CAPN14: variants seen among roughly 807,000 people sequenced by gnomAD.
CAPN14 encodes calpain-14.
A neutral mutation model predicts 101.3 loss-of-function variants in CAPN14; 94 were observed. The ratio of observed to expected loss-of-function variants is 0.93; its 90% confidence interval spans 0.79 to 1.10. CAPN14 has a LOEUF of 1.10. Among genes scored for constraint, CAPN14 ranks in the 50% least tolerant of loss-of-function variants. The pLI, the probability that CAPN14 is intolerant of heterozygous loss-of-function variation, is 0.00. For synonymous variants in CAPN14, 338 were observed against 317.9 expected (o/e 1.06, Z -0.67); for missense variants, 837 against 828.4 (o/e 1.01, Z -0.13).
At chr2:31,224,028 T>C (rs903963617) in intron 2 of CAPN14, among the ~76,000 whole-genome samples, 1 of 152,230 alleles carries the variant, frequency 6.6e-6, no homozygotes, top group Non-Finnish European at 1.5e-5. Context: ...CATCTCAGTA[T>C]TGATCCACGT....
At chr2:31,224,971 G>A (rs1682976605) in intron 2 of CAPN14, among the ~76,000 whole-genome samples, 1 of 151,976 alleles carries the variant, frequency 6.6e-6, no homozygotes, top group Non-Finnish European at 1.5e-5. Context: ...ATGAGATTCT[G>A]ATTAAGAGAT....
intron 1 of CAPN14, among the ~76,000 whole-genome samples, chr2:31,228,615 G>C (rs1259388381): frequency 6.6e-6 from 1 of 152,140 alleles, no homozygotes; most frequent in Non-Finnish European, 1.5e-5. Flanking sequence ...TAAATACTAA[G>C]CTTATTCAAT....
upstream of CAPN14, chr2:31,217,566 G>T (rs1246929541): frequency 1.3e-5 from 2 of 152,254 alleles, no homozygotes; most frequent in Non-Finnish European, 2.9e-5. Flanking sequence ...TCTACACATG[G>T]TGTTTAGCCA....
At chr2:31,190,006 G>A (rs1681096742) in intron 12 of CAPN14, among the ~76,000 whole-genome samples, 1 of 152,180 alleles carries the variant, frequency 6.6e-6, no homozygotes, top group African/African-American at 2.4e-5. Flanking sequence ...ACACAGATAA[G>A]CTGGACATTC....
intron 9 of CAPN14, among the ~76,000 whole-genome samples, chr2:31,193,961 A>G (rs1448880899): frequency 6.6e-6 from 1 of 152,058 alleles, no homozygotes; most frequent in Non-Finnish European, 1.5e-5. Context: ...TCAGCTCAGG[A>G]TGTCTTGGTG....
chr2:31,177,034 T>G lies in CAPN14; in HGVS notation c.1964A>C (p.Asn655Thr), dbSNP rs1278020274. 1 of 1,550,872 alleles carries G rather than the reference T, an allele frequency of 6.4e-7. No individual in the cohort carries two copies. Among genetic ancestry groups the G allele is most frequent in the South Asian group, 1.2e-5 (1 of 83,954 alleles). Reference protein sequence around the residue: ...SFIHLMLRVENMEDVFQNLTQ... With the variant: ...SFIHLMLRVETMEDVFQNLTQ... The stretch of plus-strand genomic sequence containing the variant: ...GCTTCCCGCCAGCTTACCCTCCATG[T>G]TCTCTACACGCAGCATCAAGTGGAT... Residue 655 changes from asparagine (N) to threonine (T), a missense_variant, in exon 20 of 22, where the codon AAC becomes ACC. Coordinates refer to ENST00000403897, the MANE Select transcript of CAPN14 (RefSeq NM_001145122.2).
At chr2:31,231,726 G>T (rs930955752) in intron 1 of CAPN14, among the ~76,000 whole-genome samples, 1 of 152,160 alleles carries the variant, frequency 6.6e-6, no homozygotes, top group Non-Finnish European at 1.5e-5. Context: ...GGGGCCCCTT[G>T]ATTTCTTTCC....
At position 31,230,990 on chromosome 2, in the gene CAPN14, T is replaced by C. The variant is rs1683174308; in HGVS notation, c.-177+2801A>G. On this transcript the variant is annotated intron_variant and NMD_transcript_variant, in intron 1 of 21. Transcript: ENST00000398824. The surrounding 1 kb of genome is among the most constrained non-coding windows in gnomAD (Gnocchi z 4.3). ...ATTTACTGTGTTGTTATTCTGTTGG[T>C]CTCTGTGCCAAAACCATATTAACCA... 6.6e-6 allele frequency among the ~76,000 whole-genome samples: 1 copy of C among 152,220 alleles called. No homozygotes were observed. The highest frequency in any genetic ancestry group is 2.1e-4 in the South Asian group (1 of 4,828).
intron 7 of CAPN14, among the ~76,000 whole-genome samples, chr2:31,197,877 C>A (rs752174283): frequency 5.9e-5 from 9 of 152,162 alleles, no homozygotes; most frequent in Admixed American, 3.3e-4. Context: ...TGGATTCTTC[C>A]CCAGAGCCTT....
intron 1 of CAPN14, among the ~76,000 whole-genome samples, chr2:31,228,158 A>G (rs1683082160): frequency 6.6e-6 from 1 of 152,212 alleles, no homozygotes; most frequent in South Asian, 2.1e-4. Context: ...AAGGGGCCAT[A>G]GATTCCTAAG....
chr2:31,219,383 G>C (rs540412390), upstream of CAPN14, among the ~76,000 whole-genome samples: 1 of 152,370 alleles, frequency 6.6e-6, no homozygotes, highest in Admixed American at 6.5e-5. Flanking sequence ...GGACAGACTA[G>C]TATGCCTGAG....
chr2:31,206,119 G>A lies in CAPN14; in HGVS notation c.-52-620C>T, dbSNP rs369303934. Among the ~76,000 whole-genome samples the A allele has an allele frequency of 4.0e-4, 60 of 148,880 alleles. 1 individual carries two copies. Among genetic ancestry groups the A allele is most frequent in the African/African-American group, 1.4e-3 (58 of 40,700 alleles). ...GCGATCTCGGCTCAATGCAACCCCT[G>A]GCTTCCAGGTTCAAGCAATTCTCCT... On this transcript the variant is annotated intron_variant, in intron 1 of 21. Coordinates refer to ENST00000403897, the MANE Select transcript of CAPN14 (RefSeq NM_001145122.2).
At chr2:31,211,331 T>C (rs1682392202) in intron 1 of CAPN14, among the ~76,000 whole-genome samples, 1 of 152,034 alleles carries the variant, frequency 6.6e-6, no homozygotes, top group African/African-American at 2.4e-5. Flanking sequence ...ATTTTACATG[T>C]AGAATATCTA....
chr2:31,197,411 G>A, intron 7 of CAPN14, 77 bp from the exon 8 acceptor site: 4 of 992,308 alleles, frequency 4.0e-6, no homozygotes, highest in Non-Finnish European at 6.2e-6. Context: ...ACTCGGGCCT[G>A]GAGCTGAGCA....
intron 7 of CAPN14, among the ~76,000 whole-genome samples, 168 bp from the exon 8 acceptor site, chr2:31,197,502 A>T (rs966590047): frequency 6.6e-6 from 1 of 152,178 alleles, no homozygotes; most frequent in Non-Finnish European, 1.5e-5. Flanking sequence ...AAGCTGTGAG[A>T]CCTAGGGCAA....
intron 1 of CAPN14, among the ~76,000 whole-genome samples, chr2:31,212,943 G>C (rs747897393): frequency 7.9e-5 from 12 of 152,208 alleles, no homozygotes; most frequent in Admixed American, 7.9e-4. Flanking sequence ...CAAAATTGTA[G>C]TAGAAACCTA....
intron 5 of CAPN14, among the ~76,000 whole-genome samples, chr2:31,201,144 T>TGGAC (rs1681747555): frequency 6.9e-6 from 1 of 145,902 alleles, no homozygotes; most frequent in Non-Finnish European, 1.5e-5. Context: ...TGTGGACGTG[T>TGGAC]GTGTGTGCAT....
chr2:31,219,683 G>A (rs1682802390), upstream of CAPN14, among the ~76,000 whole-genome samples: 1 of 152,208 alleles, frequency 6.6e-6, no homozygotes, highest in African/African-American at 2.4e-5. Context: ...TGGTGGCACA[G>A]TGGAGTATTG....
rs923125178 is a variant in CAPN14 at position 31,230,262 on chromosome 2, G to A, written c.-177+3529C>T. 1.9e-4 allele frequency among the ~76,000 whole-genome samples: 29 copies of A among 152,158 alleles called. No homozygotes were observed. Among genetic ancestry groups the A allele is most frequent in the African/African-American group, 6.8e-4 (28 of 41,418 alleles). On this transcript the variant is annotated intron_variant and NMD_transcript_variant, in intron 1 of 21. Transcript: ENST00000398824. The surrounding 1 kb of genome is among the most constrained non-coding windows in gnomAD (Gnocchi z 4.3). ...CACATTTATCCATTTACTCGGTGAA[G>A]GACATTTAGTTGTTTATAAATTTTT... is the stretch of plus-strand genomic sequence containing the variant.
Sources: allele counts gnomAD v4.1 joint callset (sites outside exome capture counted in the v4.1 genomes callset), GRCh38; gene constraint gnomAD v4.1.1; non-coding constraint Gnocchi (gnomAD v3.1); transcripts MANE v1.5; gene names NCBI Gene and HGNC (gene_info 2026-07-23, HGNC 2026-07-21).